ADAMTSL1: variants seen among roughly 807,000 people sequenced by gnomAD.
ADAMTSL1 encodes ADAMTS-like protein 1.
A neutral mutation model predicts 201.8 loss-of-function variants in ADAMTSL1; 126 were observed. That is an observed-to-expected ratio of 0.62 (90% CI 0.54 to 0.72). The LOEUF (loss-of-function observed/expected upper bound fraction) is 0.72, where lower values mean the gene tolerates loss of function less well. Ranked by LOEUF, ADAMTSL1 falls within the 30% of genes least tolerant of loss-of-function variation. The pLI is 0.00. For synonymous variants in ADAMTSL1, 1,121 were observed against 903.4 expected, an observed-to-expected ratio of 1.24 and a Z score of -4.32; for missense variants, 2,679 against 2,277.8, an observed-to-expected ratio of 1.18 and a Z score of -3.59.
intron 2 of ADAMTSL1, among the ~76,000 whole-genome samples, chr9:18,367,600 G>GAGGT (rs1836828068): frequency 6.6e-6 from 1 of 151,926 alleles, no homozygotes; most frequent in African/African-American, 2.4e-5. Flanking sequence ...TGATAGCTAT[G>GAGGT]AGGTACTAGC....
intron 2 of ADAMTSL1, among the ~76,000 whole-genome samples, chr9:18,328,469 A>C (rs947388753): frequency 2.0e-5 from 3 of 152,210 alleles, no homozygotes; most frequent in African/African-American, 7.2e-5. Context: ...TCCATGTATT[A>C]ACTCACTTAG....
intron 2 of ADAMTSL1, among the ~76,000 whole-genome samples, chr9:18,232,736 A>G (rs1236768927): frequency 6.6e-6 from 1 of 152,162 alleles, no homozygotes; most frequent in Non-Finnish European, 1.5e-5. Context: ...GTCTTTCTGT[A>G]TGTACATGAC....
chr9:18,189,506 T>A (rs1384326022), intron 2 of ADAMTSL1, among the ~76,000 whole-genome samples: 1 of 152,118 alleles, frequency 6.6e-6, no homozygotes, highest in African/African-American at 2.4e-5. Context: ...AGAAGCCTTT[T>A]TATATATTCC....
chr9:18,590,876 T>C (rs1405770622), intron 4 of ADAMTSL1, among the ~76,000 whole-genome samples: 4 of 152,176 alleles, frequency 2.6e-5, no homozygotes, highest in African/African-American at 9.6e-5. Flanking sequence ...TTTTATTTCA[T>C]TGTGGTCAAA....
intron 2 of ADAMTSL1, among the ~76,000 whole-genome samples, chr9:18,429,724 T>C (rs928006614): frequency 2.0e-5 from 3 of 152,180 alleles, no homozygotes; most frequent in African/African-American, 7.2e-5. Flanking sequence ...AAGGATTTTT[T>C]CATTAAAATT....
At chr9:18,036,401 CT>C (rs1821197709) in intron 1 of ADAMTSL1, among the ~76,000 whole-genome samples, 1 of 152,162 alleles carries the variant, frequency 6.6e-6, no homozygotes, top group Non-Finnish European at 1.5e-5. Context: ...TTCCAGTTGA[CT>C]TTGTTCTCCA....
intron 1 of ADAMTSL1, among the ~76,000 whole-genome samples, chr9:18,041,003 A>T (rs547347906): frequency 3.3e-5 from 5 of 152,220 alleles, no homozygotes; most frequent in Non-Finnish European, 5.9e-5. Flanking sequence ...AGTAGGAATT[A>T]TGTATAAAAT....
At chr9:18,680,279 T>C (rs1160442711) in intron 10 of ADAMTSL1, 33 bp from the exon 11 acceptor site, 1 of 1,603,940 alleles carries the variant, frequency 6.2e-7, no homozygotes, top group Non-Finnish European at 8.5e-7. Context: ...GCAATGTGCA[T>C]GTCTGCCCTG....
chr9:18,250,095 A>G (rs1473115956), intron 2 of ADAMTSL1, among the ~76,000 whole-genome samples: 1 of 152,244 alleles, frequency 6.6e-6, no homozygotes, highest in East Asian at 1.9e-4. Context: ...TGTAGTTTAC[A>G]TGAATTAAAG....
intron 15 of ADAMTSL1, among the ~76,000 whole-genome samples, chr9:18,740,191 G>A (rs1356917656): frequency 1.3e-5 from 2 of 152,172 alleles, no homozygotes; most frequent in South Asian, 2.1e-4. Flanking sequence ...GGCAAATCTC[G>A]GGACAGACAG....
chr9:18,446,025 A>G (rs968361977), intron 2 of ADAMTSL1, among the ~76,000 whole-genome samples: 1 of 152,140 alleles, frequency 6.6e-6, no homozygotes, highest in Non-Finnish European at 1.5e-5. Context: ...AGACAATATA[A>G]CCAGGAAGCG....
intron 14 of ADAMTSL1, 57 bp from the exon 15 acceptor site, chr9:18,721,479 A>ACC (rs1341603804): frequency 6.3e-7 from 1 of 1,590,640 alleles, no homozygotes; most frequent in Admixed American, 1.7e-5. Context: ...ACACTTCATC[A>ACC]CCCCCCACAC....
intron 1 of ADAMTSL1, among the ~76,000 whole-genome samples, chr9:18,068,502 A>G (rs1280634985): frequency 1.3e-5 from 2 of 152,054 alleles, no homozygotes; most frequent in African/African-American, 2.4e-5. Context: ...GGATTTTGCT[A>G]TTCTCTGGGG....
chr9:18,447,305 T>C (rs1312522062), intron 2 of ADAMTSL1, among the ~76,000 whole-genome samples: 5 of 152,154 alleles, frequency 3.3e-5, no homozygotes, highest in African/African-American at 2.4e-5. Flanking sequence ...AGCCTGGAAA[T>C]GTGTCACAAT....
chr9:18,279,840 G>A (rs1371998431), intron 2 of ADAMTSL1, among the ~76,000 whole-genome samples: 1 of 152,190 alleles, frequency 6.6e-6, no homozygotes, highest in East Asian at 1.9e-4. Context: ...CCAGCCTGGA[G>A]CCTGGGTCTG....
chr9:18,683,230 G>GTTGT (rs1554729056), intron 12 of ADAMTSL1, among the ~76,000 whole-genome samples: 5 of 143,642 alleles, frequency 3.5e-5, no homozygotes, highest in Non-Finnish European at 7.5e-5. Context: ...GGTTTTTTTT[G>GTTGT]TTTTTTTTTT....
At chr9:18,264,983 G>A (rs1007169659) in intron 2 of ADAMTSL1, among the ~76,000 whole-genome samples, 2 of 152,152 alleles carry the variant, frequency 1.3e-5, no homozygotes, top group African/African-American at 2.4e-5. Context: ...GTTGTTAGAA[G>A]GATTAAATAA....
chr9:18,845,891 C>T (rs905644136), intron 23 of ADAMTSL1, among the ~76,000 whole-genome samples: 1 of 152,172 alleles, frequency 6.6e-6, no homozygotes, highest in Non-Finnish European at 1.5e-5. Context: ...TCACATGTAA[C>T]CCTCTCAAAG....
At chr9:17,978,625 A>G (rs1211893987) in intron 1 of ADAMTSL1, among the ~76,000 whole-genome samples, 1 of 152,092 alleles carries the variant, frequency 6.6e-6, no homozygotes, top group Non-Finnish European at 1.5e-5. Context: ...AAACTTTTAA[A>G]TATGATGTAC....
Sources: allele counts gnomAD v4.1 joint callset (sites outside exome capture counted in the v4.1 genomes callset), GRCh38; gene constraint gnomAD v4.1.1; transcripts MANE v1.5; gene names NCBI Gene and HGNC (gene_info 2026-07-23, HGNC 2026-07-21).